TOM1L2: variants seen among roughly 807,000 people sequenced by gnomAD.
TOM1L2 encodes TOM1-like protein 2.
Under a neutral mutation model 67.9 loss-of-function variants are expected in TOM1L2, and 31 were observed. The ratio of observed to expected loss-of-function variants is 0.46; its 90% CI spans 0.34 to 0.62. The LOEUF (loss-of-function observed/expected upper bound fraction) is 0.62, where lower values mean the gene tolerates loss of function less well. TOM1L2 is among the 20% of genes least tolerant of loss of function. TOM1L2 has a pLI of 0.01. For missense variants in TOM1L2, 606 were observed against 663.5 expected, an observed-to-expected ratio of 0.91 and a Z score of 0.95; for synonymous variants, 256 against 254.0, an observed-to-expected ratio of 1.01 and a Z score of -0.07.
intron 12 of TOM1L2, chr17:17,858,455 C>T (rs2036370435): frequency 6.6e-6 from 1 of 152,352 alleles, no homozygotes; most frequent in Non-Finnish European, 1.5e-5. Flanking sequence ...CTTGCTCTGT[C>T]ACCCAGCCTG....
chr17:17,901,279 CAGG>C (rs762171971), intron 2 of TOM1L2, among the ~76,000 whole-genome samples: 2 of 152,160 alleles, frequency 1.3e-5, no homozygotes, highest in South Asian at 2.1e-4. Context: ...AGTTGGAAAC[CAGG>C]AGAAGAGACA....
intron 1 of TOM1L2, among the ~76,000 whole-genome samples, chr17:17,959,549 C>A (rs912724354): frequency 1.3e-5 from 2 of 152,140 alleles, no homozygotes. Context: ...AGGAGACTCT[C>A]GCTCTCTGGA....
rs548754563 is a variant in TOM1L2 at position 17,847,576 on chromosome 17, C to T, written c.*59G>A. 6.0e-4 allele frequency: 926 copies of T among 1,548,498 alleles called. 3 individuals carry two copies. In the African/African-American group the frequency reaches 7.4e-3, roughly 12 times the overall value. ...TGGGGATGTAGGAGTGGCCAGTGCC[C>T]GGTGTCCACGGGGTGCGAGCGGGGA... On this transcript the variant is annotated 3_prime_UTR_variant, in exon 15 of 15. Coordinates refer to ENST00000379504, the MANE Select transcript of TOM1L2 (RefSeq NM_001082968.2).
chr17:17,954,341 T>A (rs2041339234), intron 1 of TOM1L2, among the ~76,000 whole-genome samples: 1 of 151,108 alleles, frequency 6.6e-6, no homozygotes, highest in Non-Finnish European at 1.5e-5. Context: ...TGATGGAGCT[T>A]CGCTTTTGAC....
intron 4 of TOM1L2, among the ~76,000 whole-genome samples, chr17:17,888,894 C>T (rs2038127298): frequency 6.6e-6 from 1 of 152,206 alleles, no homozygotes. Flanking sequence ...CAAGCCAAAA[C>T]ACCAGCCAAG....
chr17:17,910,092 A>T (rs1408411729), intron 1 of TOM1L2, among the ~76,000 whole-genome samples: 1 of 152,214 alleles, frequency 6.6e-6, no homozygotes, highest in African/African-American at 2.4e-5. Context: ...TTTAAAAACC[A>T]CCACCAAAAA....
chr17:17,958,225 A>G (rs1342536618), intron 1 of TOM1L2, among the ~76,000 whole-genome samples: 1 of 152,234 alleles, frequency 6.6e-6, no homozygotes, highest in Non-Finnish European at 1.5e-5. Flanking sequence ...TGCTCTTCAA[A>G]TGAGTAACTG....
intron 10 of TOM1L2, 42 bp from the exon 11 acceptor site, chr17:17,862,890 GTAGACTGTAGA>G (rs2143731770): frequency 7.3e-7 from 1 of 1,370,366 alleles, no homozygotes; most frequent in East Asian, 3.6e-5. Context: ...AGAACAAAAT[GTAGACTGTAGA>G]TCTGATGAAG....
intron 1 of TOM1L2, among the ~76,000 whole-genome samples, chr17:17,954,005 C>G (rs1359536078): frequency 1.3e-5 from 2 of 152,226 alleles, no homozygotes; most frequent in African/African-American, 4.8e-5. Context: ...ATCCCACCGG[C>G]TCAACATAGT....
At chr17:17,892,907 C>T (rs777809730) in intron 4 of TOM1L2, among the ~76,000 whole-genome samples, 7 of 152,178 alleles carry the variant, frequency 4.6e-5, no homozygotes, top group Non-Finnish European at 8.8e-5. Context: ...CTGCCAACAG[C>T]CATGTGGGTG....
At chr17:17,851,846 G>C (rs576875573) in intron 12 of TOM1L2, among the ~76,000 whole-genome samples, 10 of 152,304 alleles carry the variant, frequency 6.6e-5, no homozygotes, top group African/African-American at 2.4e-4. Flanking sequence ...GGTGTACCAC[G>C]GGGTTGCCTG....
intron 5 of TOM1L2, among the ~76,000 whole-genome samples, chr17:17,884,106 C>A (rs1022414227): frequency 2.0e-5 from 3 of 152,174 alleles, no homozygotes; most frequent in African/African-American, 4.8e-5. Context: ...CCTAAAGGGA[C>A]CTTCCCAGGG....
chr17:17,929,468 C>T (rs988362830), intron 1 of TOM1L2, among the ~76,000 whole-genome samples: 1 of 152,030 alleles, frequency 6.6e-6, no homozygotes, highest in Non-Finnish European at 1.5e-5. Flanking sequence ...CCCATCTCTA[C>T]TAAAAATACA....
In TOM1L2 at chr17:17,847,678, C is replaced by A. The variant is rs371456416; in HGVS notation, c.1481G>T (p.Arg494Leu). The A allele has an allele frequency of 5.0e-6, 8 of 1,613,832 alleles. No homozygotes were observed. Among genetic ancestry groups the A allele is most frequent in the Non-Finnish European group, 6.8e-6 (8 of 1,179,896 alleles). ...ATCCTCTGACCGCTCTGGCTTCTTC[C>A]GGCCAGAAGGGTTTGAGGCTGGGGC... ...APAPASNPSG[R>L]KKPERSEDAL... The change falls in exon 15 of 15, where the codon CGG becomes CTG. Residue 494 changes from arginine (R) to leucine (L), a missense_variant. Physicochemically the swap from Arg to Leu is moderately radical, Grantham distance 102. Transcript: ENST00000379504.
intron 1 of TOM1L2, among the ~76,000 whole-genome samples, chr17:17,919,520 A>G (rs1187241456): frequency 6.6e-6 from 1 of 152,248 alleles, no homozygotes; most frequent in African/African-American, 2.4e-5. Context: ...CCTGTAGGGT[A>G]AAGGAGCAGG....
intron 9 of TOM1L2, 104 bp from the exon 10 acceptor site, chr17:17,866,523 A>G: frequency 1.4e-6 from 2 of 1,404,866 alleles, no homozygotes; most frequent in East Asian, 2.5e-5. Flanking sequence ...GAAAAGTATC[A>G]GCGCTGCTCT....
intron 1 of TOM1L2, among the ~76,000 whole-genome samples, chr17:17,937,306 CATTTTT>C (rs1470967408): frequency 2.0e-5 from 3 of 152,208 alleles, no homozygotes; most frequent in Admixed American, 6.5e-5. Flanking sequence ...GGAACACCGA[CATTTTT>C]ATTTTTATCT....
intron 1 of TOM1L2, among the ~76,000 whole-genome samples, chr17:17,940,740 T>C (rs2040699508): frequency 6.6e-6 from 1 of 152,200 alleles, no homozygotes; most frequent in African/African-American, 2.4e-5. Context: ...TTCAAATAAA[T>C]AGCCACAGGG....
At chr17:17,910,297 C>T (rs939222960) in intron 1 of TOM1L2, among the ~76,000 whole-genome samples, 6 of 152,210 alleles carry the variant, frequency 3.9e-5, no homozygotes, top group Non-Finnish European at 8.8e-5. Context: ...ACTCCCTTCC[C>T]CCTCTGGGAT....
Sources: allele counts gnomAD v4.1 joint callset (sites outside exome capture counted in the v4.1 genomes callset), GRCh38; gene constraint gnomAD v4.1.1; transcripts MANE v1.5; gene names NCBI Gene and HGNC (gene_info 2026-07-23, HGNC 2026-07-21).